SPDL1: variants seen among roughly 807,000 people sequenced by gnomAD.
SPDL1 encodes spindle apparatus coiled-coil protein 1, also known as protein Spindly.
In SPDL1, 85 loss-of-function variants were observed where a neutral mutation model predicts 79.5. The ratio of observed to expected loss-of-function variants is 1.07; its 90% CI spans 0.90 to 1.28. SPDL1 has a LOEUF of 1.28. Ranked by LOEUF, SPDL1 falls within the 50% of genes most tolerant of loss-of-function variation. SPDL1 has a pLI of 0.00. For synonymous variants in SPDL1, 269 were observed against 240.3 expected, an observed-to-expected ratio of 1.12 and a Z score of -1.10; for missense variants, 703 against 697.8, an observed-to-expected ratio of 1.01 and a Z score of -0.08.
intron 1 of SPDL1, 41 bp from the exon 2 acceptor site, chr5:169,588,353 T>C: frequency 7.1e-7 from 1 of 1,400,148 alleles, no homozygotes; most frequent in South Asian, 1.4e-5. Context: ...GCATGGAGTT[T>C]TTTGTATAAG....
In SPDL1 at chr5:169,596,668, T is replaced by C. The variant is rs759835725; in HGVS notation, c.999T>C (p.Leu333=). ...AGAAGAATGGTGAAATAAAACATCT[T>C]TTAGGTGAAATTAGAAATCTGGAGA... is the stretch of plus-strand genomic sequence containing the variant. ...LEQKNGEIKH[L]LGEIRNLEKF... is the part of the protein sequence containing the mutation. Residue 333 remains leucine (L), a synonymous_variant, in exon 8 of 12, where the codon CTT becomes CTC. Transcript: ENST00000265295. 8.1e-6 allele frequency: 13 copies of C among 1,599,948 alleles called. No homozygotes were observed. Among genetic ancestry groups the C allele is most frequent in the Non-Finnish European group, 1.1e-5 (13 of 1,176,352 alleles).
intron 1 of SPDL1, among the ~76,000 whole-genome samples, chr5:169,584,463 C>T (rs1203653983): frequency 3.3e-5 from 5 of 152,152 alleles, no homozygotes; most frequent in Admixed American, 3.3e-4. Flanking sequence ...GCTTTTCATT[C>T]GTTATCTCAT....
At chr5:169,603,550 A>G (rs1756039147) in intron 11 of SPDL1, among the ~76,000 whole-genome samples, 1 of 152,166 alleles carries the variant, frequency 6.6e-6, no homozygotes, top group African/African-American at 2.4e-5. Context: ...TTTTAAAGAT[A>G]TTCTTTAGAC....
intron 7 of SPDL1, chr5:169,595,658 GA>G (rs1444268858): frequency 1.3e-5 from 2 of 152,136 alleles, no homozygotes; most frequent in Non-Finnish European, 2.9e-5. Flanking sequence ...CCCTGTCTGG[GA>G]AGTATTTCTT....
At chr5:169,594,738 G>A (rs558340837) in intron 7 of SPDL1, 57 bp downstream of exon 7, 9 of 1,130,332 alleles carry the variant, frequency 8.0e-6, no homozygotes, top group African/African-American at 4.7e-5. Flanking sequence ...AGCATTACAT[G>A]TATGAATACA....
intron 1 of SPDL1, among the ~76,000 whole-genome samples, chr5:169,584,344 C>T (rs569252034): frequency 6.6e-6 from 1 of 152,170 alleles, no homozygotes; most frequent in African/African-American, 2.4e-5. Context: ...TCTTTGTTTA[C>T]TTTTTAAATC....
intron 4 of SPDL1, 68 bp downstream of exon 4, chr5:169,593,616 G>T: frequency 1.4e-6 from 2 of 1,431,890 alleles, no homozygotes; most frequent in South Asian, 1.5e-5. Flanking sequence ...TACATGTTTT[G>T]GTAATAATTC....
intron 2 of SPDL1, chr5:169,590,798 T>G: frequency 7.5e-6 from 4 of 532,808 alleles, no homozygotes; most frequent in Non-Finnish European, 1.4e-5. Context: ...GGAGCACATT[T>G]TACTTCCTTG....
At chr5:169,596,456 G>T (rs1561873614) in intron 7 of SPDL1, 105 bp from the exon 8 acceptor site, 1 of 942,268 alleles carries the variant, frequency 1.1e-6, no homozygotes, top group South Asian at 1.7e-5. Flanking sequence ...TTTCCAAAAT[G>T]AGTTCAAAGT....
Position 169,588,575 on chromosome 5 carries a change from G to C in SPDL1, c.159G>C (p.Glu53Asp). The change falls in exon 2 of 12, where the codon GAG becomes GAC. Residue 53 changes from glutamate (E) to aspartate (D), a missense_variant and splice_region_variant. Physicochemically the swap from Glu to Asp is conservative, Grantham distance 45 (BLOSUM62 2). Transcript: ENST00000265295. ...GTAATGAAATGATGACCATGACTGA[G>C]GTAGGACTCTGGACTCCTCTGTCTG... is the stretch of plus-strand genomic sequence containing the variant. ...KCRNEMMTMT[E>D]SYEQEKYTLQ... 1 of 1,610,144 alleles carries C rather than the reference G, an allele frequency of 6.2e-7. No homozygotes were observed. The highest frequency in any genetic ancestry group is 8.5e-7 in the Non-Finnish European group (1 of 1,178,350).
Position 169,593,195 on chromosome 5 carries a change from A to G in SPDL1, c.337-159A>G, listed in dbSNP as rs1755389173. On this transcript the variant is annotated intron_variant, in intron 3 of 11. Transcript: ENST00000265295. ...TGGATTATTTCTATGTTTATTAAAC[A>G]AGGTGTGTCACTAGCTGTTAAAAGA... Among the ~76,000 whole-genome samples the G allele has an allele frequency of 2.6e-5, 4 of 152,212 alleles. No homozygotes were observed. The South Asian group carries it at 6.2e-4, about 24-fold the overall frequency.
chr5:169,589,384 T>C (rs1230690891), intron 2 of SPDL1, among the ~76,000 whole-genome samples: 1 of 152,162 alleles, frequency 6.6e-6, no homozygotes, highest in Non-Finnish European at 1.5e-5. Context: ...ACAGCCCTGC[T>C]AAAAACCATA....
chr5:169,584,488 A>G lies in SPDL1; in HGVS notation c.-24+599A>G, dbSNP rs1438750377. 5.3e-5 allele frequency among the ~76,000 whole-genome samples: 8 copies of G among 152,276 alleles called. No homozygotes were observed. The East Asian group carries it at 1.2e-3, about 22-fold the overall frequency. Reference sequence around the variant, plus strand: ...CGTTATCTCATTTAATCCTTTCAGTAACCGATTAGGTGGGTGTTATTGTGC... The same window carrying G: ...CGTTATCTCATTTAATCCTTTCAGTGACCGATTAGGTGGGTGTTATTGTGC... On this transcript the variant is annotated intron_variant, in intron 1 of 11. Transcript: ENST00000265295.
At chr5:169,602,978 CT>C (rs1481244991) in intron 11 of SPDL1, among the ~76,000 whole-genome samples, 1 of 152,026 alleles carries the variant, frequency 6.6e-6, no homozygotes, top group Non-Finnish European at 1.5e-5. Context: ...GTCTTCATTC[CT>C]TTTTCTGCCT....
chr5:169,601,275 C>T lies in SPDL1; in HGVS notation c.1325-5C>T. ...TTTCTTTTCCCCACTCGTTTTTATT[C>T]TCAGAGACAGTTGAAGTGCCTGTAC... On this transcript the variant is annotated splice_polypyrimidine_tract_variant and splice_region_variant and intron_variant, in intron 10 of 11. Transcript: ENST00000265295. 1.3e-6 allele frequency: 2 copies of T among 1,590,606 alleles called. No homozygotes were observed. The highest frequency in any genetic ancestry group is 1.7e-6 in the Non-Finnish European group (2 of 1,170,136).
At chr5:169,587,047 T>G (rs1012386910) in intron 1 of SPDL1, among the ~76,000 whole-genome samples, 1 of 152,210 alleles carries the variant, frequency 6.6e-6, no homozygotes, top group Non-Finnish European at 1.5e-5. Flanking sequence ...TCTAAATAGC[T>G]GCCTGGCTGA....
chr5:169,593,500 A>G lies in SPDL1; in HGVS notation c.483A>G (p.Ser161=). Reference sequence around the variant, plus strand: ...AACGTGTGCAGGAAAGCATGTCTTCAGAGATGCTGGCTCTTCAAATTGAGC... The same window carrying G: ...AACGTGTGCAGGAAAGCATGTCTTCGGAGATGCTGGCTCTTCAAATTGAGC... ...MSERVQESMS[S]EMLALQIELT... is the part of the protein sequence containing the mutation. The change falls in exon 4 of 12, where the codon TCA becomes TCG. Residue 161 remains serine (S), a synonymous_variant. Transcript: ENST00000265295. 1.2e-6 allele frequency: 2 copies of G among 1,613,442 alleles called. No homozygotes were observed. The highest frequency in any genetic ancestry group is 1.7e-6 in the Non-Finnish European group (2 of 1,179,786).
Position 169,594,214 on chromosome 5 carries a change from C to T in SPDL1, c.601C>T (p.Leu201=), listed in dbSNP as rs763821723. ...QEQLELLITN[L]MRQVDRLKEE... ...ACAGCTAGAACTTCTTATTACTAAC[C>T]TAATGCGCCAGGTAGACCGGCTTAA... The change falls in exon 5 of 12, where the codon CTA becomes TTA. Residue 201 remains leucine (L), a synonymous_variant. Coordinates refer to ENST00000265295, the MANE Select transcript of SPDL1 (RefSeq NM_017785.5). 14 of 1,613,712 alleles carry T rather than the reference C, an allele frequency of 8.7e-6. No homozygotes were observed. In the African/African-American group the frequency reaches 1.3e-4, roughly 15 times the overall value.
chr5:169,595,357 TGGGAAA>T (rs1203862737), intron 7 of SPDL1: 1 of 152,138 alleles, frequency 6.6e-6, no homozygotes, highest in Non-Finnish European at 1.5e-5. Context: ...GCCAAAGAAA[TGGGAAA>T]GGTTAATGAT....
Sources: allele counts gnomAD v4.1 joint callset (sites outside exome capture counted in the v4.1 genomes callset), GRCh38; gene constraint gnomAD v4.1.1; transcripts MANE v1.5; gene names NCBI Gene and HGNC (gene_info 2026-07-23, HGNC 2026-07-21).